NEK10: variants seen among roughly 807,000 people sequenced by gnomAD.
NEK10 encodes the protein serine/threonine-protein kinase Nek10.
NEK10 carries 122 observed loss-of-function variants against 159.8 expected under a neutral mutation model. That is an observed-to-expected ratio of 0.76 (90% CI 0.66 to 0.89). The LOEUF (loss-of-function observed/expected upper bound fraction) is 0.89. Among genes scored for constraint, NEK10 ranks in the 40% least tolerant of loss-of-function variants. The pLI is 0.00. For synonymous variants in NEK10, 466 were observed against 457.1 expected (o/e 1.02, Z -0.25); for missense variants, 1,342 against 1,323.1 (o/e 1.01, Z -0.22).
At chr3:27,211,087 T>G (rs1950970284) in intron 23 of NEK10, among the ~76,000 whole-genome samples, 1 of 152,240 alleles carries the variant, frequency 6.6e-6, no homozygotes, top group Non-Finnish European at 1.5e-5. Flanking sequence ...GATCTGCCTT[T>G]AATTAGTTTC....
chr3:27,322,060 T>C, intron 6 of NEK10, 117 bp downstream of exon 6: 1 of 605,152 alleles, frequency 1.7e-6, no homozygotes, highest in Non-Finnish European at 3.0e-6. Context: ...ATGGAAGCTA[T>C]TGAGTTGTGA....
chr3:27,242,349 A>G (rs1169700451), intron 23 of NEK10, among the ~76,000 whole-genome samples: 2 of 152,216 alleles, frequency 1.3e-5, no homozygotes, highest in East Asian at 3.8e-4. Flanking sequence ...ATCTATTGCC[A>G]TCCATCCATC....
intron 5 of NEK10, among the ~76,000 whole-genome samples, chr3:27,332,792 G>A (rs577038807): frequency 6.6e-6 from 1 of 152,240 alleles, no homozygotes; most frequent in South Asian, 2.1e-4. Context: ...ATAACAACCT[G>A]GTCTTGGATA....
intron 23 of NEK10, among the ~76,000 whole-genome samples, chr3:27,230,125 A>G (rs1186846232): frequency 1.3e-5 from 2 of 152,118 alleles, no homozygotes; most frequent in Non-Finnish European, 1.5e-5. Context: ...AGACAAAAGC[A>G]TCAGGTGACC....
At chr3:27,161,671 A>G (rs1000588369) in intron 30 of NEK10, among the ~76,000 whole-genome samples, 1 of 152,226 alleles carries the variant, frequency 6.6e-6, no homozygotes, top group African/African-American at 2.4e-5. Flanking sequence ...CAAAAATTAG[A>G]AACATTAACA....
chr3:27,231,113 C>A (rs1034451513), intron 23 of NEK10, among the ~76,000 whole-genome samples: 1 of 151,870 alleles, frequency 6.6e-6, no homozygotes, highest in African/African-American at 2.4e-5. Flanking sequence ...TATGATAGGC[C>A]ACAAAACAAC....
At position 27,301,840 on chromosome 3, in the gene NEK10, A is replaced by T. The variant is rs1250810290; in HGVS notation, c.1029-5T>A. 1.9e-6 allele frequency: 3 copies of T among 1,549,852 alleles called. No homozygotes were observed. In the South Asian group the frequency reaches 3.6e-5, roughly 18 times the overall value. On this transcript the variant is annotated splice_region_variant and splice_polypyrimidine_tract_variant and intron_variant, in intron 12 of 35. Transcript: ENST00000691995. ...TCAGAAACAAAATTTCTGTCTCTGA[A>T]AAAGAAAAGTTAATGCATAGACCAT... is the stretch of plus-strand genomic sequence containing the variant.
chr3:27,237,434 G>T (rs969665416), intron 23 of NEK10, among the ~76,000 whole-genome samples: 18 of 152,124 alleles, frequency 1.2e-4, no homozygotes, highest in African/African-American at 4.1e-4. Context: ...TTGCAGTAAA[G>T]ACAGGTGTAA....
chr3:27,162,630 A>G (rs1276524762), intron 30 of NEK10, 71 bp downstream of exon 30: 1 of 1,614,036 alleles, frequency 6.2e-7, no homozygotes, highest in African/African-American at 1.3e-5. Context: ...GAAAGATATG[A>G]AACTGTAACA....
At chr3:27,152,191 ATC>A (rs1944950470) in intron 30 of NEK10, among the ~76,000 whole-genome samples, 1 of 152,212 alleles carries the variant, frequency 6.6e-6, no homozygotes, top group African/African-American at 2.4e-5. Flanking sequence ...GCACATTGTC[ATC>A]TGTTATCCAA....
chr3:27,333,450 G>T (rs552894337), intron 5 of NEK10, among the ~76,000 whole-genome samples: 1 of 151,834 alleles, frequency 6.6e-6, no homozygotes. Context: ...TGAGTCTGAG[G>T]CAGGAGAATC....
chr3:27,294,902 C>T lies in NEK10; in HGVS notation c.1308+711G>A, dbSNP rs191313739. ...AAAACGAACATAGAACCCTGCGTAA[C>T]TGTTCCCCTTTCTTACATGTGAGCC... On this transcript the variant is annotated intron_variant, in intron 15 of 35. Coordinates refer to ENST00000691995, the MANE Select transcript of NEK10 (RefSeq NM_001394966.1). 2.9e-3 allele frequency among the ~76,000 whole-genome samples: 443 copies of T among 152,224 alleles called. 4 individuals are homozygous for T. Among genetic ancestry groups the T allele is most frequent in the African/African-American group, 9.0e-3 (374 of 41,520 alleles).
At chr3:27,361,029 T>A (rs1559561968) in intron 1 of NEK10, among the ~76,000 whole-genome samples, 1 of 152,256 alleles carries the variant, frequency 6.6e-6, no homozygotes, top group Non-Finnish European at 1.5e-5. Context: ...GCTATGATGA[T>A]GGACACTCCT....
chr3:27,145,099 G>T (rs1353512090), intron 30 of NEK10, among the ~76,000 whole-genome samples: 2 of 151,148 alleles, frequency 1.3e-5, no homozygotes, highest in African/African-American at 4.9e-5. Flanking sequence ...TTTTAGATTA[G>T]CCCACTGAAA....
intron 6 of NEK10, among the ~76,000 whole-genome samples, chr3:27,319,897 T>C (rs528924402): frequency 1.3e-5 from 2 of 152,166 alleles, no homozygotes; most frequent in South Asian, 4.2e-4. Context: ...GAAGATGGCT[T>C]GGAAGAGCCG....
intron 25 of NEK10, among the ~76,000 whole-genome samples, chr3:27,200,189 T>C (rs1949928840): frequency 6.6e-6 from 1 of 152,114 alleles, no homozygotes; most frequent in African/African-American, 2.4e-5. Flanking sequence ...GATATCATCC[T>C]ACAAAAACAG....
At chr3:27,165,586 G>A (rs1286503648) in intron 29 of NEK10, among the ~76,000 whole-genome samples, 1 of 152,190 alleles carries the variant, frequency 6.6e-6, no homozygotes, top group African/African-American at 2.4e-5. Context: ...TTGACCAACA[G>A]CACTTCAGGC....
intron 22 of NEK10, among the ~76,000 whole-genome samples, chr3:27,268,941 G>A (rs534225157): frequency 6.6e-6 from 1 of 152,310 alleles, no homozygotes; most frequent in East Asian, 1.9e-4. Context: ...ATTAACAGGA[G>A]TTTGGAAGAA....
intron 22 of NEK10, among the ~76,000 whole-genome samples, chr3:27,276,659 T>G (rs2041796161): frequency 6.6e-6 from 1 of 152,218 alleles, no homozygotes; most frequent in African/African-American, 2.4e-5. Context: ...TCTCTGCCAA[T>G]GGCAGAGCAA....
Sources: gnomAD v4.1 joint callset for allele counts (sites outside exome capture counted in the v4.1 genomes callset) on GRCh38, gnomAD v4.1.1 for gene constraint, MANE v1.5 for transcripts, NCBI Gene and HGNC (gene_info 2026-07-23, HGNC 2026-07-21) for gene names.